The following MBTPS2 variants were observed in gnomAD, a reference collection of about 807,000 sequenced individuals.
MBTPS2 encodes membrane-bound transcription factor site-2 protease.
In MBTPS2, 2 loss-of-function variants were observed where a neutral mutation model predicts 35.4. The observed-to-expected ratio is 0.06, with a 90% CI of 0.02 to 0.18. The LOEUF is 0.18. Among genes scored for constraint, MBTPS2 ranks in the 10% least tolerant of loss-of-function variants. The pLI, the probability that MBTPS2 is intolerant of heterozygous loss-of-function variation, is 1.00. For missense variants in MBTPS2, 244 were observed against 386.5 expected, an observed-to-expected ratio of 0.63 and a Z score of 3.09; for synonymous variants, 125 against 140.4, an observed-to-expected ratio of 0.89 and a Z score of 0.77.
chrX:21,850,012 G>A (rs1283682289), intron 3 of MBTPS2, among the ~76,000 whole-genome samples: 57 of 94,664 alleles, frequency 6.0e-4, no homozygotes, highest in Admixed American at 1.8e-3. Flanking sequence ...GGGCGACAGA[G>A]CGAGACTCCG....
chrX:21,880,857 G>C, intron 9 of MBTPS2, 40 bp from the exon 10 acceptor site: 1 of 902,901 alleles, frequency 1.1e-6, no homozygotes, highest in Non-Finnish European at 1.6e-6. Context: ...TGATTCTCTG[G>C]TATGAATAAT....
intron 7 of MBTPS2, chrX:21,872,898 A>C (rs1183125876): frequency 9.1e-6 from 1 of 109,464 alleles, no homozygotes; most frequent in Admixed American, 1.0e-4. Context: ...ATGGTATTTT[A>C]TATGTTTCTA....
rs1433416134 is a variant in MBTPS2, at chrX:21,884,385, T to C, written c.*1730T>C. On this transcript the variant is annotated 3_prime_UTR_variant, in exon 11 of 11. Coordinates refer to ENST00000379484, the MANE Select transcript of MBTPS2 (RefSeq NM_015884.4). ...TACTTATATAATTAATTTGATTGCA[T>C]GAACTAAGCAATTTTACTAATGAAA... The C allele has an allele frequency of 1.0e-5, 7 of 683,385 alleles. No individual in the cohort carries two copies. The African/African-American group carries it at 1.7e-4, about 16-fold the overall frequency. The allele number at this position is 683,385 out of a possible 1,213,427, so 56.3% of individuals were successfully genotyped here.
chrX:21,854,284 AAC>A (rs1439462835), intron 5 of MBTPS2, among the ~76,000 whole-genome samples: 1 of 112,037 alleles, frequency 8.9e-6, no homozygotes, highest in Non-Finnish European at 1.9e-5. Flanking sequence ...GAAAGCATGA[AAC>A]ACAGACCAAA....
chrX:21,884,939 G>T lies in MBTPS2; in HGVS notation c.*2284G>T, dbSNP rs2092963091. The T allele has an allele frequency of 1.3e-6, 1 of 751,799 alleles. No homozygotes were observed. Among genetic ancestry groups the T allele is most frequent in the Non-Finnish European group, 1.6e-6 (1 of 638,321 alleles). 62.0% of individuals were successfully genotyped at this position (751,799 alleles called of 1,213,427 possible). On this transcript the variant is annotated 3_prime_UTR_variant, in exon 11 of 11. Coordinates refer to ENST00000379484, the MANE Select transcript of MBTPS2 (RefSeq NM_015884.4). ...CATCTTCATGGAAAGAATCCACTGT[G>T]GTTTCTGTAGAGTGATTGGAAAAAT...
rs1310673192 is a variant in MBTPS2, at chrX:21,851,563, C to T, written c.493C>T (p.Leu165Phe). The T allele has an allele frequency of 1.7e-6, 2 of 1,208,006 alleles. No individual in the cohort carries two copies. Among genetic ancestry groups the T allele is most frequent in the South Asian group, 1.8e-5 (1 of 56,882 alleles). The stretch of plus-strand genomic sequence containing the variant: ...ACTGACCTATTTCTTCACGGCAGTT[C>T]TCATTAGTGGTGTTGTACATGAAAT... ...NQLTYFFTAV[L>F]ISGVVHEIGH... is the part of the protein sequence containing the mutation. The change falls in exon 4 of 11, where the codon CTC (leucine) becomes TTC (phenylalanine). Residue 165 changes from leucine (L) to phenylalanine (F), a missense_variant. By Grantham distance (22) the Leu-to-Phe change is conservative. Coordinates refer to ENST00000379484, the MANE Select transcript of MBTPS2 (RefSeq NM_015884.4).
At position 21,884,878 on chromosome X, in the gene MBTPS2, AT is replaced by A. The variant is rs2092963027; in HGVS notation, c.*2224del. 1 of 742,528 alleles carries A rather than the reference AT, an allele frequency of 1.3e-6. No individual in the cohort carries two copies. Among genetic ancestry groups the A allele is most frequent in the Non-Finnish European group, 1.6e-6 (1 of 629,601 alleles). 61.2% of individuals were successfully genotyped at this position (742,528 alleles called of 1,213,427 possible). ...TGTAAATATATGTTCACATAAAAAA[AT>A]AACTTGGAGGGTCTTTGTGTCCCTG... On this transcript the variant is annotated 3_prime_UTR_variant, in exon 11 of 11. Coordinates refer to ENST00000379484, the MANE Select transcript of MBTPS2 (RefSeq NM_015884.4).
chrX:21,846,762 A>G (rs1569321632), intron 3 of MBTPS2, among the ~76,000 whole-genome samples: 5 of 111,798 alleles, frequency 4.5e-5, no homozygotes, highest in Admixed American at 3.8e-4. Context: ...TGGTGGGAGG[A>G]TAGGTGGGAC....
At chrX:21,856,954 C>T in intron 5 of MBTPS2, 3 of 1,212,013 alleles carry the variant, frequency 2.5e-6, no homozygotes, top group Non-Finnish European at 3.3e-6. Context: ...GAGGCCAACC[C>T]GGCAGGCAGC....
In MBTPS2 at chrX:21,884,954, A is replaced by G; in HGVS notation, c.*2299A>G. 1 of 753,430 alleles carries G rather than the reference A, an allele frequency of 1.3e-6. No individual in the cohort carries two copies. Among genetic ancestry groups the G allele is most frequent in the South Asian group, 6.7e-5 (1 of 14,818 alleles). 62.1% of individuals were successfully genotyped at this position (753,430 alleles called of 1,213,427 possible). On this transcript the variant is annotated 3_prime_UTR_variant, in exon 11 of 11. Coordinates refer to ENST00000379484, the MANE Select transcript of MBTPS2 (RefSeq NM_015884.4). ...AATCCACTGTGGTTTCTGTAGAGTG[A>G]TTGGAAAAATGGATTATTTTGAGGA...
intron 5 of MBTPS2, chrX:21,857,211 C>A (rs761500153): frequency 1.7e-6 from 2 of 1,211,758 alleles, no homozygotes; most frequent in Non-Finnish European, 2.2e-6. Flanking sequence ...TAAAGTGAAG[C>A]CCAAAAGGTC....
chrX:21,872,319 C>A (rs2092948173), intron 7 of MBTPS2: 1 of 111,736 alleles, frequency 8.9e-6, no homozygotes, highest in Non-Finnish European at 1.9e-5. Flanking sequence ...AGGGTTTTAT[C>A]CTTTTCCTGA....
At chrX:21,874,548 G>A (rs1276041968) in intron 7 of MBTPS2, among the ~76,000 whole-genome samples, 2 of 111,908 alleles carry the variant, frequency 1.8e-5, no homozygotes, top group African/African-American at 6.5e-5. Context: ...CTTCTCTCCA[G>A]CTTTATTCCA....
chrX:21,843,368 C>T (rs778360063), intron 2 of MBTPS2, 50 bp downstream of exon 2: 20 of 1,087,097 alleles, frequency 1.8e-5, no homozygotes, highest in East Asian at 1.5e-4. Context: ...TAAGTGATCA[C>T]GACAGACAGC....
intron 4 of MBTPS2, among the ~76,000 whole-genome samples, chrX:21,852,638 C>T (rs6633463): frequency 9.2e-6 from 1 of 108,985 alleles, no homozygotes; most frequent in East Asian, 2.8e-4. Flanking sequence ...TTTTTAAGTC[C>T]CAACTGCCAA....
intron 9 of MBTPS2, among the ~76,000 whole-genome samples, chrX:21,879,468 C>T (rs753955163): frequency 3.6e-5 from 4 of 110,849 alleles, no homozygotes; most frequent in East Asian, 2.8e-4. Flanking sequence ...TTTGTAGAGA[C>T]GGAGTCTCAC....
Position 21,883,565 on chromosome X carries a change from C to A in MBTPS2, c.*910C>A. ...TCCAGGGTAAACATTTTCTCTTGTG[C>A]TGCTCAGGACATCTGGGGCCTAGCT... On this transcript the variant is annotated 3_prime_UTR_variant, in exon 11 of 11. Transcript: ENST00000379484. 5 of 754,156 alleles carry A rather than the reference C, an allele frequency of 6.6e-6. No individual in the cohort carries two copies. The highest frequency in any genetic ancestry group is 7.8e-6 in the Non-Finnish European group (5 of 639,307). The allele number at this position is 754,156 out of a possible 1,213,427, so 62.2% of individuals were successfully genotyped here.
In MBTPS2 at chrX:21,878,109, C is replaced by A. The variant is rs1320876347; in HGVS notation, c.1038C>A (p.Ser346=). 9 of 1,203,493 alleles carry A rather than the reference C, an allele frequency of 7.5e-6. No individual in the cohort carries two copies. Among genetic ancestry groups the A allele is most frequent in the African/African-American group, 3.5e-5 (2 of 57,149 alleles). Residue 346 remains serine (S), a synonymous_variant, in exon 8 of 11, where the codon TCC becomes TCA. Transcript: ENST00000379484. ...NNHSLTDVCF[S]YRNNFNKRLH... is the part of the protein sequence containing the mutation. ...ACAGCCTCACAGATGTGTGCTTTTC[C>A]TACAGAAATAATTTTAATAAGCGTT...
intron 7 of MBTPS2, 115 bp from the exon 8 acceptor site, chrX:21,877,927 C>A: frequency 1.9e-6 from 1 of 517,574 alleles, no homozygotes. Flanking sequence ...CTGAATTATA[C>A]AGTTGCTTCT....
Sources: allele counts gnomAD v4.1 joint callset (sites outside exome capture counted in the v4.1 genomes callset), GRCh38; gene constraint gnomAD v4.1.1; transcripts MANE v1.5; gene names NCBI Gene and HGNC (gene_info 2026-07-23, HGNC 2026-07-21).